ANXA10: variants seen among roughly 807,000 people sequenced by gnomAD.
The protein encoded by ANXA10 is annexin 14.
ANXA10 carries 49 observed loss-of-function variants against 53.5 expected under a neutral mutation model. That is an observed-to-expected ratio of 0.92 (90% CI 0.73 to 1.16). The LOEUF is 1.16. Ranked by LOEUF, ANXA10 falls within the 50% of genes most tolerant of loss-of-function variation. The pLI, the probability that ANXA10 is intolerant of heterozygous loss-of-function variation, is 0.00. For missense variants in ANXA10, 393 were observed against 394.4 expected (o/e 1.00, Z 0.03); for synonymous variants, 131 against 128.9 (o/e 1.02, Z -0.11).
rs59433573 is a variant in ANXA10 at position 168,152,167 on chromosome 4, A to G, written c.196-10361A>G. ...AATAAATGCTTTGGAAAAAAAGCAG[A>G]AGCCAGGTAAGAAATACAGGAAGTG... On this transcript the variant is annotated intron_variant, in intron 3 of 11. Transcript: ENST00000359299. Among the ~76,000 whole-genome samples, 995 of 152,312 alleles carry G rather than the reference A, an allele frequency of 6.5e-3. 10 individuals are homozygous for G. The highest frequency in any genetic ancestry group is 0.023 in the African/African-American group (942 of 41,556).
intron 3 of ANXA10, among the ~76,000 whole-genome samples, chr4:168,147,665 T>A (rs2149473557): frequency 6.6e-6 from 1 of 152,344 alleles, no homozygotes; most frequent in East Asian, 1.9e-4. Flanking sequence ...ACTTTCCTTC[T>A]CCATTTCAAA....
At chr4:168,176,391 T>G (rs772651099) in intron 6 of ANXA10, among the ~76,000 whole-genome samples, 6 of 152,094 alleles carry the variant, frequency 3.9e-5, no homozygotes, top group Non-Finnish European at 1.5e-5. Flanking sequence ...TCACCTTTAC[T>G]CTCACGGGAG....
chr4:168,165,051 A>G (rs568332792), intron 5 of ANXA10, 196 bp from the exon 6 acceptor site: 1 of 333,650 alleles, frequency 3.0e-6, no homozygotes, highest in East Asian at 4.5e-5. Flanking sequence ...AGATTTTTAA[A>G]AAATAGTCCT....
At chr4:168,093,984 AG>A (rs1199556004) in intron 1 of ANXA10, among the ~76,000 whole-genome samples, 1 of 152,152 alleles carries the variant, frequency 6.6e-6, no homozygotes, top group Non-Finnish European at 1.5e-5. Context: ...AGAGAAAAAA[AG>A]GTATCAAGTA....
At chr4:168,137,255 T>G (rs1731252712) in intron 2 of ANXA10, among the ~76,000 whole-genome samples, 1 of 152,238 alleles carries the variant, frequency 6.6e-6, no homozygotes, top group Admixed American at 6.5e-5. Flanking sequence ...TCCCCTGTAC[T>G]TTTGATTGGA....
intron 2 of ANXA10, 137 bp downstream of exon 2, chr4:168,128,302 AGC>A: frequency 7.5e-6 from 4 of 533,698 alleles, no homozygotes; most frequent in Non-Finnish European, 1.3e-5. Flanking sequence ...AAAAAAACTG[AGC>A]AAAGAAGTAG....
chr4:168,187,680 T>C lies in ANXA10; in HGVS notation c.*246T>C. ...ATTAAATAAATTGTGCATGATGGAA[T>C]AATAGAAAAATTGCATTGGAATAGA... On this transcript the variant is annotated 3_prime_UTR_variant, in exon 12 of 12. Transcript: ENST00000359299. 3.3e-6 allele frequency: 1 copy of C among 302,264 alleles called. No individual in the cohort carries two copies. The highest frequency in any genetic ancestry group is 6.1e-6 in the Non-Finnish European group (1 of 162,956). The allele number at this position is 302,264 out of a possible 1,614,324, so 18.7% of individuals were successfully genotyped here. A position where few individuals can be genotyped will look rare whatever the true frequency, so the allele number is the denominator to read the frequency against.
At chr4:168,156,246 A>AT (rs1291680588) in intron 3 of ANXA10, among the ~76,000 whole-genome samples, 1 of 44,076 alleles carries the variant, frequency 2.3e-5, no homozygotes, top group Non-Finnish European at 3.8e-5. Flanking sequence ...ATATAATAGT[A>AT]TATATTATAT....
intron 9 of ANXA10, 134 bp from the exon 10 acceptor site, chr4:168,181,548 AC>A: frequency 1.4e-6 from 1 of 737,488 alleles, no homozygotes; most frequent in Non-Finnish European, 2.4e-6. Flanking sequence ...TTATAGTGTT[AC>A]CATTATTCTA....
rs1731617734 is a variant in ANXA10, at chr4:168,155,744, TATTATATATTATATAATATATGA to T, written c.196-6783_196-6761del. 6.1e-5 allele frequency among the ~76,000 whole-genome samples: 3 copies of T among 49,208 alleles called. No individual in the cohort carries two copies. In the South Asian group the frequency reaches 2.1e-3, roughly 35 times the overall value. 32.3% of individuals were successfully genotyped at this position (49,208 alleles called of 152,430 possible). A position where few individuals can be genotyped will look rare whatever the true frequency, so the allele number is the denominator to read the frequency against. ...ATAATATAATATATGATATATCATA[TATTATATATTATATAATATATGA>T]TATATCATATATTATATATTATATA... On this transcript the variant is annotated intron_variant, in intron 3 of 11. Transcript: ENST00000359299.
At chr4:168,166,631 C>CATGT (rs1491415334) in intron 6 of ANXA10, among the ~76,000 whole-genome samples, 1 of 136,704 alleles carries the variant, frequency 7.3e-6, no homozygotes, top group African/African-American at 2.7e-5. Flanking sequence ...TTTTGTGTTT[C>CATGT]GTGTGTGTGT....
chr4:168,153,474 A>G (rs1276100424), intron 3 of ANXA10, among the ~76,000 whole-genome samples: 3 of 123,140 alleles, frequency 2.4e-5, no homozygotes, highest in Non-Finnish European at 3.6e-5. Flanking sequence ...AAAAAAACCA[A>G]TAACAACAAC....
chr4:168,109,455 A>T (rs1421596094), intron 1 of ANXA10, among the ~76,000 whole-genome samples: 1 of 152,230 alleles, frequency 6.6e-6, no homozygotes, highest in Non-Finnish European at 1.5e-5. Flanking sequence ...CTCCAAATGC[A>T]ATTTATATCA....
chr4:168,151,379 A>G (rs77531590), intron 3 of ANXA10, among the ~76,000 whole-genome samples: 3,297 of 152,316 alleles, frequency 0.022, 200 homozygotes, highest in East Asian at 0.14. Flanking sequence ...GGTAAGACGA[A>G]TAAGAAATAA....
Position 168,120,757 on chromosome 4 carries a change from T to C in ANXA10, c.19-7327T>C, listed in dbSNP as rs1383937257. Among the ~76,000 whole-genome samples the C allele has an allele frequency of 2.0e-5, 3 of 152,246 alleles. No homozygotes were observed. The South Asian group carries it at 6.2e-4, about 32-fold the overall frequency. Reference sequence around the variant, plus strand: ...TATAATGACTTAATGTTAATGTTTTTATTTCTTCTCTTAACCTGAAAGTGA... The same window carrying C: ...TATAATGACTTAATGTTAATGTTTTCATTTCTTCTCTTAACCTGAAAGTGA... On this transcript the variant is annotated intron_variant, in intron 1 of 11. Coordinates refer to ENST00000359299, the MANE Select transcript of ANXA10 (RefSeq NM_007193.5).
rs566099659 is a variant in ANXA10 at position 168,149,110 on chromosome 4, T to C, written c.195+9530T>C. 1.6e-3 allele frequency among the ~76,000 whole-genome samples: 245 copies of C among 152,320 alleles called. 1 individual carries two copies. Among genetic ancestry groups the C allele is most frequent in the Non-Finnish European group, 2.8e-3 (188 of 68,028 alleles). On this transcript the variant is annotated intron_variant, in intron 3 of 11. Coordinates refer to ENST00000359299, the MANE Select transcript of ANXA10 (RefSeq NM_007193.5). Reference sequence around the variant, plus strand: ...TTAAGATAGTTTTCTTTATTTTTGGTATTCTATAGTTTCACTGTGGTAGTC... The same window carrying C: ...TTAAGATAGTTTTCTTTATTTTTGGCATTCTATAGTTTCACTGTGGTAGTC...
intron 6 of ANXA10, among the ~76,000 whole-genome samples, chr4:168,165,535 C>G (rs1052921165): frequency 6.6e-6 from 1 of 151,714 alleles, no homozygotes; most frequent in African/African-American, 2.4e-5. Context: ...AATGCCTCAA[C>G]TCTATTTTCA....
chr4:168,162,686 G>A (rs1413427423), intron 4 of ANXA10, 45 bp downstream of exon 4: 2 of 1,489,974 alleles, frequency 1.3e-6, no homozygotes, highest in Admixed American at 1.7e-5. Flanking sequence ...GTACAGGCCA[G>A]TATTTCAGTA....
chr4:168,165,329 ATG>A lies in ANXA10; in HGVS notation c.480+4_480+5del. 1.3e-6 allele frequency: 2 copies of A among 1,534,476 alleles called. No homozygotes were observed. The highest frequency in any genetic ancestry group is 1.8e-6 in the Non-Finnish European group (2 of 1,129,312). The stretch of plus-strand genomic sequence containing the variant: ...ATACTCTCATGAACTTGGTCCAGGT[ATG>A]GCATTCCAAAATTTACATTACTTTG... On this transcript the variant is annotated splice_donor_5th_base_variant and intron_variant, in intron 6 of 11. Transcript: ENST00000359299.
Sources: allele counts gnomAD v4.1 joint callset (sites outside exome capture counted in the v4.1 genomes callset), GRCh38; gene constraint gnomAD v4.1.1; transcripts MANE v1.5; gene names NCBI Gene and HGNC (gene_info 2026-07-23, HGNC 2026-07-21).